PRR16: variants seen among roughly 807,000 people sequenced by gnomAD.
PRR16 encodes protein Largen.
In PRR16, 6 loss-of-function variants were observed where a neutral mutation model predicts 18.2. The observed-to-expected ratio is 0.33, with a 90% CI of 0.18 to 0.65. The LOEUF (loss-of-function observed/expected upper bound fraction) is 0.65, where lower values mean the gene tolerates loss of function less well. Among genes scored for constraint, PRR16 ranks in the 30% least tolerant of loss-of-function variants. The probability of loss-of-function intolerance (pLI) is 0.74; values close to 1 mark genes in which losing one functional copy is unlikely to be tolerated. For missense variants in PRR16, 412 were observed against 376.6 expected (o/e 1.09, Z -0.78); for synonymous variants, 151 against 147.8 (o/e 1.02, Z -0.16).
chr5:120,721,575 AGT>A, the PRR16 span, among the ~76,000 whole-genome samples: 1 of 152,072 alleles, frequency 6.6e-6, no homozygotes, highest in Admixed American at 6.6e-5. Flanking sequence ...AACACCCTTG[AGT>A]GAGAAAGAAC....
At chr5:120,553,238 A>T (rs1350851035) in intron 1 of PRR16, among the ~76,000 whole-genome samples, 1 of 151,916 alleles carries the variant, frequency 6.6e-6, no homozygotes, top group Non-Finnish European at 1.5e-5. Context: ...ACTAAAAAAT[A>T]AATTAAGGAC....
intron 1 of PRR16, among the ~76,000 whole-genome samples, chr5:120,466,244 ATTCTT>A (rs1355587977): frequency 7.2e-5 from 11 of 152,140 alleles, no homozygotes; most frequent in African/African-American, 2.7e-4. Flanking sequence ...TTTCTTTGTT[ATTCTT>A]TTATATGACA....
the PRR16 span, among the ~76,000 whole-genome samples, chr5:120,713,933 A>T: frequency 2.0e-5 from 3 of 152,272 alleles, no homozygotes; most frequent in South Asian, 6.2e-4. Flanking sequence ...AACCAGATTT[A>T]TATTTGAAAA....
intron 1 of PRR16, among the ~76,000 whole-genome samples, chr5:120,538,664 A>G (rs1198128728): frequency 6.6e-6 from 1 of 152,216 alleles, no homozygotes. Context: ...GCTTTTATAA[A>G]CTGAAAGCAT....
At chr5:120,762,436 G>GT in the PRR16 span, among the ~76,000 whole-genome samples, 1 of 152,026 alleles carries the variant, frequency 6.6e-6, no homozygotes, top group Admixed American at 6.6e-5. Flanking sequence ...GATTGTTGTA[G>GT]TTTTGATTTG....
At chr5:120,713,721 T>G in the PRR16 span, among the ~76,000 whole-genome samples, 2 of 152,184 alleles carry the variant, frequency 1.3e-5, no homozygotes, top group Non-Finnish European at 2.9e-5. Flanking sequence ...TCTGTTTGTT[T>G]CATAGTACAT....
At chr5:120,598,776 C>T (rs1753892469) in intron 1 of PRR16, among the ~76,000 whole-genome samples, 1 of 151,886 alleles carries the variant, frequency 6.6e-6, no homozygotes, top group African/African-American at 2.4e-5. Context: ...CTCTTTATGG[C>T]TGTGTAGTAT....
At chr5:120,612,710 A>G (rs750978067) in intron 1 of PRR16, among the ~76,000 whole-genome samples, 3 of 152,182 alleles carry the variant, frequency 2.0e-5, no homozygotes, top group Non-Finnish European at 2.9e-5. Flanking sequence ...TACCGGCAGC[A>G]TGAAAACAGA....
chr5:120,780,998 C>A, the PRR16 span, among the ~76,000 whole-genome samples: 242 of 152,188 alleles, frequency 1.6e-3, 2 homozygotes, highest in African/African-American at 5.6e-3. Context: ...TGCAGTGAGC[C>A]GAGATCGCGC....
chr5:120,638,881 T>C (rs977753281), intron 1 of PRR16, among the ~76,000 whole-genome samples: 4 of 152,060 alleles, frequency 2.6e-5, no homozygotes, highest in Admixed American at 6.6e-5. Flanking sequence ...ATATAATGAA[T>C]CATCTAATCT....
At chr5:120,694,546 A>T in the PRR16 span, among the ~76,000 whole-genome samples, 3 of 151,764 alleles carry the variant, frequency 2.0e-5, no homozygotes, top group Admixed American at 2.0e-4. Flanking sequence ...TAGCCGGGCG[A>T]GGTGGCGGGC....
At chr5:120,709,358 A>T in the PRR16 span, among the ~76,000 whole-genome samples, 1 of 152,170 alleles carries the variant, frequency 6.6e-6, no homozygotes, top group African/African-American at 2.4e-5. Context: ...AAAAACAATT[A>T]TATGGATACA....
chr5:120,718,526 TA>T, the PRR16 span, among the ~76,000 whole-genome samples: 3 of 152,116 alleles, frequency 2.0e-5, no homozygotes, highest in Admixed American at 1.3e-4. Context: ...GTGTGTTTTT[TA>T]AGGCTTATTA....
chr5:120,770,940 TCTCTCTCTCTCA>T, the PRR16 span, among the ~76,000 whole-genome samples: 1 of 149,950 alleles, frequency 6.7e-6, no homozygotes, highest in African/African-American at 2.5e-5. Context: ...TCTCTCTCTC[TCTCTCTCTCTCA>T]CACACACACA....
intron 1 of PRR16, among the ~76,000 whole-genome samples, chr5:120,511,987 C>T (rs969093442): frequency 1.2e-4 from 18 of 152,278 alleles, no homozygotes; most frequent in African/African-American, 3.8e-4. Context: ...CTAAGCTCCA[C>T]AGTTAAATTA....
intron 1 of PRR16, among the ~76,000 whole-genome samples, chr5:120,520,614 T>C (rs971520788): frequency 1.3e-5 from 2 of 152,166 alleles, no homozygotes; most frequent in African/African-American, 4.8e-5. Flanking sequence ...TTACTACTTG[T>C]AGCGCATGAA....
At chr5:120,700,818 TA>T in the PRR16 span, among the ~76,000 whole-genome samples, 1 of 152,164 alleles carries the variant, frequency 6.6e-6, no homozygotes. Context: ...GGTGATGGTC[TA>T]GGGGGCTTCC....
downstream of PRR16, among the ~76,000 whole-genome samples, chr5:120,691,778 C>G (rs1422882008): frequency 6.6e-6 from 1 of 152,152 alleles, no homozygotes; most frequent in Non-Finnish European, 1.5e-5. Flanking sequence ...TTTAGACCAG[C>G]TAAATAAAAC....
Position 120,464,331 on chromosome 5 carries a change from G to C in PRR16, c.-156G>C, listed in dbSNP as rs1749004762. 1.3e-6 allele frequency: 1 copy of C among 754,772 alleles called. No individual in the cohort carries two copies. Among genetic ancestry groups the C allele is most frequent in the Non-Finnish European group, 1.9e-6 (1 of 528,612 alleles). 46.8% of individuals were successfully genotyped at this position (754,772 alleles called of 1,614,324 possible). On this transcript the variant is annotated 5_prime_UTR_variant, in exon 1 of 2. Coordinates refer to ENST00000407149, the MANE Select transcript of PRR16 (RefSeq NM_001300783.2). ...TGGCAGCACCACTGTGCGGCCGCCC[G>C]GCCGAGCGCGGAGCGCAGCCACTCG...
Sources: gnomAD v4.1 joint callset for allele counts (sites outside exome capture counted in the v4.1 genomes callset) on GRCh38, gnomAD v4.1.1 for gene constraint, MANE v1.5 for transcripts, NCBI Gene and HGNC (gene_info 2026-07-23, HGNC 2026-07-21) for gene names.